DCLK1: variants seen among roughly 807,000 people sequenced by gnomAD.
DCLK1 encodes the protein serine/threonine-protein kinase DCLK1.
DCLK1 carries 16 observed loss-of-function variants against 86.2 expected under a neutral mutation model. The ratio of observed to expected loss-of-function variants is 0.19; its 90% CI spans 0.13 to 0.28. DCLK1 has a LOEUF of 0.28. Among genes scored for constraint, DCLK1 ranks in the 10% least tolerant of loss-of-function variants. The probability of loss-of-function intolerance (pLI) is 1.00; values close to 1 mark genes in which losing one functional copy is unlikely to be tolerated. For synonymous variants in DCLK1, 369 were observed against 370.5 expected, an observed-to-expected ratio of 1.00 and a Z score of 0.05; for missense variants, 590 against 940.2, an observed-to-expected ratio of 0.63 and a Z score of 4.87.
At chr13:35,848,022 G>A (rs1285973604) in intron 6 of DCLK1, 3 of 985,108 alleles carry the variant, frequency 3.0e-6, no homozygotes, top group Non-Finnish European at 3.6e-6. Context: ...TGAAAGCAGG[G>A]AAATATTCCT....
intron 3 of DCLK1, among the ~76,000 whole-genome samples, chr13:36,101,962 C>G (rs964169803): frequency 6.6e-6 from 1 of 152,062 alleles, no homozygotes; most frequent in Non-Finnish European, 1.5e-5. Context: ...AGGCTGGTCT[C>G]GAACTCCTGA....
chr13:35,941,604 C>T lies in DCLK1; in HGVS notation c.823+5754G>A, dbSNP rs375304377. Among the ~76,000 whole-genome samples, 6 of 152,196 alleles carry T rather than the reference C, an allele frequency of 3.9e-5. No individual in the cohort carries two copies. The South Asian group carries it at 8.3e-4, about 21-fold the overall frequency. On this transcript the variant is annotated intron_variant, in intron 4 of 16. Coordinates refer to ENST00000360631, the MANE Select transcript of DCLK1 (RefSeq NM_001330071.2). ...ATACACGTGCACGGGCATACACACACGCACACACACACGCACACGCACGCT... is the reference window on the plus strand; with the variant it reads ...ATACACGTGCACGGGCATACACACATGCACACACACACGCACACGCACGCT...
intron 15 of DCLK1, among the ~76,000 whole-genome samples, chr13:35,797,040 A>G (rs558418369): frequency 2.2e-4 from 33 of 152,288 alleles, no homozygotes; most frequent in Middle Eastern, 3.4e-3. Context: ...GGATGTGTCA[A>G]CGTGACCTAT....
chr13:36,113,511 A>G (rs1885682535), intron 2 of DCLK1, among the ~76,000 whole-genome samples: 1 of 152,168 alleles, frequency 6.6e-6, no homozygotes, highest in Admixed American at 6.5e-5. Context: ...TGTATTTTTG[A>G]TATTTTCTTA....
chr13:35,874,989 A>G (rs1872513901), intron 4 of DCLK1, among the ~76,000 whole-genome samples: 2 of 152,262 alleles, frequency 1.3e-5, no homozygotes, highest in Admixed American at 1.3e-4. Context: ...CGTGCCAAGC[A>G]TCGAGAGCTG....
At chr13:35,943,733 T>C (rs1215337871) in intron 4 of DCLK1, among the ~76,000 whole-genome samples, 1 of 151,724 alleles carries the variant, frequency 6.6e-6, no homozygotes, top group Non-Finnish European at 1.5e-5. Context: ...AGGAGTTCAC[T>C]GTCCCTCCCA....
intron 9 of DCLK1, 81 bp downstream of exon 9, chr13:35,828,169 T>G: frequency 8.5e-7 from 1 of 1,182,924 alleles, no homozygotes; most frequent in Non-Finnish European, 1.2e-6. Flanking sequence ...AGGGTGAACT[T>G]GTATTTGTTT....
intron 5 of DCLK1, among the ~76,000 whole-genome samples, chr13:35,859,283 C>T (rs911805488): frequency 2.6e-5 from 4 of 152,124 alleles, no homozygotes; most frequent in East Asian, 1.9e-4. Flanking sequence ...TCATTAGAAC[C>T]GCTGCCTTTA....
At chr13:36,008,528 C>T (rs1292462152) in intron 3 of DCLK1, among the ~76,000 whole-genome samples, 1 of 126,144 alleles carries the variant, frequency 7.9e-6, no homozygotes, top group Admixed American at 8.8e-5. Flanking sequence ...CCAATTTCAT[C>T]CATGTCCCTA....
chr13:35,985,830 G>T (rs1385952988), intron 3 of DCLK1, among the ~76,000 whole-genome samples: 1 of 152,168 alleles, frequency 6.6e-6, no homozygotes, highest in Non-Finnish European at 1.5e-5. Context: ...TAAGATTGAT[G>T]CTTGTTCCCA....
intron 3 of DCLK1, among the ~76,000 whole-genome samples, chr13:36,100,634 C>A: frequency 6.6e-6 from 1 of 152,140 alleles, no homozygotes; most frequent in East Asian, 1.9e-4. Flanking sequence ...AATTGACCTT[C>A]CCATTCAAAA....
intron 4 of DCLK1, among the ~76,000 whole-genome samples, chr13:35,889,299 AG>A (rs1232840221): frequency 6.6e-6 from 1 of 152,216 alleles, no homozygotes; most frequent in Admixed American, 6.5e-5. Flanking sequence ...TCTATCAGAA[AG>A]GGTTTGTAAT....
intron 16 of DCLK1, among the ~76,000 whole-genome samples, chr13:35,788,936 G>C (rs2086664354): frequency 6.6e-6 from 1 of 152,124 alleles, no homozygotes; most frequent in Non-Finnish European, 1.5e-5. Flanking sequence ...TGAAAATATG[G>C]AAAGTGAAAT....
chr13:36,099,020 T>G (rs1490190592), intron 3 of DCLK1, among the ~76,000 whole-genome samples: 2 of 151,226 alleles, frequency 1.3e-5, no homozygotes, highest in African/African-American at 4.9e-5. Context: ...CAGGCTGGAG[T>G]GCAATGGCGC....
intron 2 of DCLK1, among the ~76,000 whole-genome samples, chr13:36,113,505 T>A (rs984957073): frequency 1.3e-5 from 2 of 152,148 alleles, no homozygotes; most frequent in African/African-American, 4.8e-5. Context: ...CTTATATGTA[T>A]TTTTGATATT....
At chr13:35,990,605 T>C (rs935429851) in intron 3 of DCLK1, among the ~76,000 whole-genome samples, 6 of 152,126 alleles carry the variant, frequency 3.9e-5, no homozygotes, top group Non-Finnish European at 8.8e-5. Flanking sequence ...ACTTGGTTCA[T>C]AGATACAGAG....
intron 4 of DCLK1, among the ~76,000 whole-genome samples, chr13:35,891,477 A>T (rs1873640269): frequency 1.3e-5 from 2 of 152,206 alleles, no homozygotes; most frequent in African/African-American, 4.8e-5. Flanking sequence ...ATAAAAATGA[A>T]TTATAGGACT....
chr13:35,807,507 T>G (rs1186743715), intron 14 of DCLK1, among the ~76,000 whole-genome samples: 1 of 152,252 alleles, frequency 6.6e-6, no homozygotes, highest in African/African-American at 2.4e-5. Context: ...TTCTGATTAA[T>G]TGATGGATTC....
chr13:35,900,241 A>AG (rs1874268744), intron 4 of DCLK1, among the ~76,000 whole-genome samples: 1 of 111,418 alleles, frequency 9.0e-6, no homozygotes, highest in African/African-American at 4.0e-5. Context: ...AACTAAATAA[A>AG]CTTTTTTTTT....
Sources: allele counts gnomAD v4.1 joint callset (sites outside exome capture counted in the v4.1 genomes callset), GRCh38; gene constraint gnomAD v4.1.1; transcripts MANE v1.5; gene names NCBI Gene and HGNC (gene_info 2026-07-23, HGNC 2026-07-21).